The following HS6ST3 variants were observed in gnomAD, a reference collection of about 807,000 sequenced individuals.
HS6ST3 encodes heparan-sulfate 6-O-sulfotransferase 3.
In HS6ST3, 12 loss-of-function variants were observed where a neutral mutation model predicts 36.7. That is an observed-to-expected ratio of 0.33 (90% confidence interval 0.21 to 0.53). The LOEUF is 0.53. HS6ST3 is among the 20% of genes least tolerant of loss of function. HS6ST3 has a pLI of 0.95. For synonymous variants in HS6ST3, 240 were observed against 257.5 expected (o/e 0.93, Z 0.65); for missense variants, 584 against 640.9 (o/e 0.91, Z 0.96).
intron 1 of HS6ST3, among the ~76,000 whole-genome samples, chr13:96,395,444 C>G (rs1424259264): frequency 6.6e-6 from 1 of 152,190 alleles, no homozygotes; most frequent in East Asian, 1.9e-4. Flanking sequence ...ACCTCTGCTG[C>G]CTTCTCAACT....
chr13:96,091,986 G>T (rs1024581037), intron 1 of HS6ST3, among the ~76,000 whole-genome samples: 3 of 152,162 alleles, frequency 2.0e-5, no homozygotes, highest in African/African-American at 7.2e-5. Flanking sequence ...AAAGGAAGGG[G>T]GAGTAGAGAG....
At chr13:96,625,027 G>C (rs2056507388) in intron 1 of HS6ST3, among the ~76,000 whole-genome samples, 1 of 152,192 alleles carries the variant, frequency 6.6e-6, no homozygotes, top group Admixed American at 6.5e-5. Context: ...CACTGCCACA[G>C]CTGAGGGACT....
intron 1 of HS6ST3, among the ~76,000 whole-genome samples, chr13:96,545,038 T>G (rs891088287): frequency 1.3e-5 from 2 of 152,140 alleles, no homozygotes; most frequent in African/African-American, 4.8e-5. Flanking sequence ...GAAAATGCGC[T>G]CCTTGCCTGG....
At chr13:96,624,176 A>G (rs1293735627) in intron 1 of HS6ST3, among the ~76,000 whole-genome samples, 3 of 152,178 alleles carry the variant, frequency 2.0e-5, no homozygotes, top group Non-Finnish European at 2.9e-5. Flanking sequence ...TATATATTTC[A>G]TAAAGAATAA....
At chr13:96,553,448 A>G (rs2056227541) in intron 1 of HS6ST3, among the ~76,000 whole-genome samples, 1 of 152,294 alleles carries the variant, frequency 6.6e-6, no homozygotes, top group South Asian at 2.1e-4. Flanking sequence ...ACAGCTGTCT[A>G]GGGGCAAAAA....
intron 1 of HS6ST3, among the ~76,000 whole-genome samples, chr13:96,300,903 A>G (rs2054878793): frequency 1.3e-5 from 2 of 152,218 alleles, no homozygotes. Context: ...GTAACATCAA[A>G]AAATACCAGA....
chr13:96,542,480 T>C (rs2056182122), intron 1 of HS6ST3, among the ~76,000 whole-genome samples: 1 of 152,168 alleles, frequency 6.6e-6, no homozygotes, highest in Non-Finnish European at 1.5e-5. Context: ...CATAACAGCC[T>C]CCCACGCTTT....
intron 1 of HS6ST3, among the ~76,000 whole-genome samples, chr13:96,126,476 TTAGAGAAAG>T (rs1483662019): frequency 1.1e-4 from 16 of 152,200 alleles, no homozygotes; most frequent in African/African-American, 3.9e-4. Flanking sequence ...GGCAGAGTTA[TTAGAGAAAG>T]TAGGAAGATA....
At chr13:96,279,881 A>C (rs760602749) in intron 1 of HS6ST3, among the ~76,000 whole-genome samples, 4 of 152,178 alleles carry the variant, frequency 2.6e-5, no homozygotes, top group Non-Finnish European at 5.9e-5. Context: ...TCATAAAACT[A>C]TATTTTTTGC....
chr13:96,739,514 G>T (rs749111528), intron 1 of HS6ST3, among the ~76,000 whole-genome samples: 14 of 151,956 alleles, frequency 9.2e-5, no homozygotes, highest in Non-Finnish European at 2.1e-4. Flanking sequence ...CACAGGGAAT[G>T]GCCACTTCTT....
chr13:96,294,081 T>C (rs1168844555), intron 1 of HS6ST3, among the ~76,000 whole-genome samples: 1 of 152,074 alleles, frequency 6.6e-6, no homozygotes, highest in Non-Finnish European at 1.5e-5. Context: ...TCAGATGGAT[T>C]TGGTAAAGCT....
At position 96,269,901 on chromosome 13, in the gene HS6ST3, A is replaced by G. The variant is rs115149011; in HGVS notation, c.707+178332A>G. Among the ~76,000 whole-genome samples, 778 of 152,036 alleles carry G rather than the reference A, an allele frequency of 5.1e-3. 17 individuals carry two copies. Among genetic ancestry groups the G allele is most frequent in the African/African-American group, 0.018 (727 of 41,370 alleles). ...CCCAGCTTCTCTGCACTAATCAACT[A>G]TCTCAGCCACTTGGAGAATCAGCTG... On this transcript the variant is annotated intron_variant, in intron 1 of 1. Coordinates refer to ENST00000376705, the MANE Select transcript of HS6ST3 (RefSeq NM_153456.4).
At chr13:96,203,331 A>G (rs917409077) in intron 1 of HS6ST3, among the ~76,000 whole-genome samples, 9 of 152,224 alleles carry the variant, frequency 5.9e-5, no homozygotes, top group Middle Eastern at 6.8e-3. Flanking sequence ...GTGTCCTTAC[A>G]TGGCAAGAGG....
chr13:96,353,381 A>G (rs1266322063), intron 1 of HS6ST3, among the ~76,000 whole-genome samples: 3 of 149,088 alleles, frequency 2.0e-5, no homozygotes. Context: ...AGTGTAGAAT[A>G]TAGGTGGTCT....
At chr13:96,409,588 T>G (rs1276631700) in intron 1 of HS6ST3, among the ~76,000 whole-genome samples, 2 of 152,168 alleles carry the variant, frequency 1.3e-5, no homozygotes, top group Non-Finnish European at 2.9e-5. Flanking sequence ...TTTGTCATTG[T>G]GGTGCTGGCA....
At chr13:96,613,126 C>T (rs1368989611) in intron 1 of HS6ST3, among the ~76,000 whole-genome samples, 4 of 152,270 alleles carry the variant, frequency 2.6e-5, no homozygotes, top group East Asian at 1.9e-4. Context: ...TTACTTTCTT[C>T]GTGTTTATCA....
chr13:96,515,058 C>T (rs183165208), intron 1 of HS6ST3, among the ~76,000 whole-genome samples: 1 of 152,194 alleles, frequency 6.6e-6, no homozygotes, highest in African/African-American at 2.4e-5. Flanking sequence ...TTTGATCTAT[C>T]TCTATGTGCA....
chr13:96,470,448 T>C (rs746404823), intron 1 of HS6ST3, among the ~76,000 whole-genome samples: 22 of 152,190 alleles, frequency 1.4e-4, no homozygotes, highest in Admixed American at 6.5e-5. Context: ...AATTTCATTG[T>C]ACTGTCCCTT....
At chr13:96,390,015 C>T (rs1566346611) in intron 1 of HS6ST3, among the ~76,000 whole-genome samples, 2 of 151,826 alleles carry the variant, frequency 1.3e-5, no homozygotes, top group Non-Finnish European at 1.5e-5. Flanking sequence ...GGTTCTTTCT[C>T]TTTTTTTTGT....
Sources: gnomAD v4.1 joint callset for allele counts (sites outside exome capture counted in the v4.1 genomes callset) on GRCh38, gnomAD v4.1.1 for gene constraint, MANE v1.5 for transcripts, NCBI Gene and HGNC (gene_info 2026-07-23, HGNC 2026-07-21) for gene names.